NTRK2: variants seen among roughly 807,000 people sequenced by gnomAD.
NTRK2 encodes BDNF/NT-3 growth factors receptor.
A neutral mutation model predicts 94.5 loss-of-function variants in NTRK2; 13 were observed. The ratio of observed to expected loss-of-function variants is 0.14; its 90% CI spans 0.09 to 0.22. NTRK2 has a LOEUF of 0.22. Among genes scored for constraint, NTRK2 ranks in the 10% least tolerant of loss-of-function variants. NTRK2 has a pLI of 1.00. For missense variants in NTRK2, 639 were observed against 1,071.2 expected (o/e 0.60, Z 5.63); for synonymous variants, 372 against 407.4 (o/e 0.91, Z 1.05).
At chr9:84,954,124 G>T (rs1267648394) in intron 16 of NTRK2, among the ~76,000 whole-genome samples, 2 of 152,234 alleles carry the variant, frequency 1.3e-5, no homozygotes, top group African/African-American at 4.8e-5. Flanking sequence ...TAACATTTAT[G>T]CAGAATCCTC....
chr9:85,007,258 A>T (rs1006027561), intron 17 of NTRK2, among the ~76,000 whole-genome samples: 4 of 152,236 alleles, frequency 2.6e-5, no homozygotes, highest in African/African-American at 9.6e-5. Flanking sequence ...GCCAGGTAAA[A>T]ATTGAAGAGC....
intron 12 of NTRK2, among the ~76,000 whole-genome samples, chr9:84,773,342 A>G (rs578255797): frequency 6.6e-6 from 1 of 152,344 alleles, no homozygotes; most frequent in African/African-American, 2.4e-5. Flanking sequence ...CATGGGGCAG[A>G]TGGCAAGACT....
chr9:84,996,212 T>C (rs1014870835), intron 17 of NTRK2, among the ~76,000 whole-genome samples: 10 of 152,248 alleles, frequency 6.6e-5, no homozygotes, highest in African/African-American at 2.4e-4. Flanking sequence ...TCTAAAGATG[T>C]AACCCCCTTC....
At chr9:84,817,800 C>T (rs55769032) in intron 12 of NTRK2, among the ~76,000 whole-genome samples, 2 of 152,136 alleles carry the variant, frequency 1.3e-5, no homozygotes, top group African/African-American at 4.8e-5. Flanking sequence ...CTTTTCCTTC[C>T]TGAAGTTGTT....
At chr9:84,790,829 T>G (rs551453473) in intron 12 of NTRK2, among the ~76,000 whole-genome samples, 1 of 152,350 alleles carries the variant, frequency 6.6e-6, no homozygotes, top group South Asian at 2.1e-4. Flanking sequence ...ATAGCCAATC[T>G]GTTCTGATAA....
chr9:84,730,021 G>A (rs2062727573), intron 9 of NTRK2, among the ~76,000 whole-genome samples: 1 of 152,108 alleles, frequency 6.6e-6, no homozygotes, highest in Non-Finnish European at 1.5e-5. Flanking sequence ...GAATAACTTG[G>A]TGCTTCTCAA....
chr9:84,694,385 C>A (rs190190823), intron 2 of NTRK2, among the ~76,000 whole-genome samples: 3 of 152,320 alleles, frequency 2.0e-5, no homozygotes, highest in Admixed American at 6.5e-5. Context: ...CAAAAAGAAA[C>A]TGAAAGCTGA....
intron 6 of NTRK2, 80 bp downstream of exon 6, chr9:84,710,871 C>T: frequency 7.3e-7 from 1 of 1,378,772 alleles, no homozygotes; most frequent in South Asian, 1.2e-5. Context: ...GGGAAAATTA[C>T]CACTACCTGG....
chr9:84,892,039 A>G, intron 14 of NTRK2, among the ~76,000 whole-genome samples: 1 of 152,086 alleles, frequency 6.6e-6, no homozygotes, highest in East Asian at 1.9e-4. Context: ...CTAAGGGTGG[A>G]GGAGTTTTTT....
Position 84,914,651 on chromosome 9 carries a change from C to T in NTRK2, c.1634-19511C>T, listed in dbSNP as rs140000394. ...CCTATGGTGGTTCGCTGGAGTATAG[C>T]GATTCTTGTCTAAGAGTTTTCTGTA... On this transcript the variant is annotated intron_variant, in intron 14 of 18. Coordinates refer to ENST00000277120, the MANE Select transcript of NTRK2 (RefSeq NM_006180.6). Among the ~76,000 whole-genome samples, 383 of 152,250 alleles carry T rather than the reference C, an allele frequency of 2.5e-3. 1 individual carries two copies. Among genetic ancestry groups the T allele is most frequent in the Middle Eastern group, 0.017 (5 of 292 alleles).
At chr9:84,692,386 T>C (rs2060098967) in intron 2 of NTRK2, among the ~76,000 whole-genome samples, 1 of 152,126 alleles carries the variant, frequency 6.6e-6, no homozygotes, top group Admixed American at 6.5e-5. Flanking sequence ...TAAAAGTAAC[T>C]TAAAGACATT....
At chr9:84,977,603 G>A (rs1195272324) in intron 17 of NTRK2, among the ~76,000 whole-genome samples, 1 of 152,160 alleles carries the variant, frequency 6.6e-6, no homozygotes, top group Non-Finnish European at 1.5e-5. Context: ...TTACAGTGTA[G>A]GACAATTTGC....
chr9:84,855,785 A>G (rs1027617401), intron 12 of NTRK2, among the ~76,000 whole-genome samples: 1 of 152,166 alleles, frequency 6.6e-6, no homozygotes, highest in African/African-American at 2.4e-5. Flanking sequence ...AACAATACCA[A>G]GAGAATTCGT....
intron 2 of NTRK2, among the ~76,000 whole-genome samples, chr9:84,672,654 A>C (rs1320481692): frequency 1.3e-5 from 2 of 152,194 alleles, no homozygotes; most frequent in South Asian, 2.1e-4. Context: ...TGAAGAAAGA[A>C]AGAAGATAGG....
At chr9:84,868,992 C>T (rs1234764942) in intron 14 of NTRK2, among the ~76,000 whole-genome samples, 1 of 152,120 alleles carries the variant, frequency 6.6e-6, no homozygotes, top group Non-Finnish European at 1.5e-5. Context: ...AAAGATAAAG[C>T]TGCATAATTA....
intron 8 of NTRK2, among the ~76,000 whole-genome samples, chr9:84,725,693 A>G (rs12342576): frequency 0.034 from 5,125 of 149,228 alleles, 313 homozygotes; most frequent in African/African-American, 0.12. Flanking sequence ...TATAATATAT[A>G]TAGGGTCTCC....
rs530634510 is a variant in NTRK2, at chr9:84,910,125, C to T, written c.1634-24037C>T. Among the ~76,000 whole-genome samples the T allele has an allele frequency of 3.0e-3, 463 of 152,234 alleles. 3 individuals carry two copies. Among genetic ancestry groups the T allele is most frequent in the Non-Finnish European group, 5.2e-3 (353 of 68,002 alleles). On this transcript the variant is annotated intron_variant, in intron 14 of 18. Transcript: ENST00000277120. ...TTTAATTTTTATACACAATGTGAGA[C>T]TTAGGAGATTTGATTTTTGCCTATG... is the stretch of plus-strand genomic sequence containing the variant.
At position 85,021,482 on chromosome 9, in the gene NTRK2, G is replaced by A. The variant is rs1286851194; in HGVS notation, c.*45G>A. On this transcript the variant is annotated 3_prime_UTR_variant, in exon 19 of 19. Transcript: ENST00000277120. Reference sequence around the variant, plus strand: ...ATCCTTCCCAACGTACTCCTCAGACGGGCTGAGAGGATGAACATCTTTTAA... The same window carrying A: ...ATCCTTCCCAACGTACTCCTCAGACAGGCTGAGAGGATGAACATCTTTTAA... 6 of 1,592,272 alleles carry A rather than the reference G, an allele frequency of 3.8e-6. No individual in the cohort carries two copies. Among genetic ancestry groups the A allele is most frequent in the Middle Eastern group, 1.7e-4 (1 of 5,840 alleles).
chr9:84,679,983 C>T (rs1587884996), intron 2 of NTRK2, among the ~76,000 whole-genome samples: 1 of 152,156 alleles, frequency 6.6e-6, no homozygotes, highest in East Asian at 1.9e-4. Flanking sequence ...GTGGATGAGG[C>T]TCTGGCAAGT....
Sources: allele counts gnomAD v4.1 joint callset (sites outside exome capture counted in the v4.1 genomes callset), GRCh38; gene constraint gnomAD v4.1.1; transcripts MANE v1.5; gene names NCBI Gene and HGNC (gene_info 2026-07-23, HGNC 2026-07-21).